PIP5K1C: variants seen among roughly 807,000 people sequenced by gnomAD.
The protein encoded by PIP5K1C is phosphatidylinositol 4-phosphate 5-kinase type-1 gamma.
Under a neutral mutation model 80.1 loss-of-function variants are expected in PIP5K1C, and 45 were observed. That is an observed-to-expected ratio of 0.56 (90% CI 0.44 to 0.72). The LOEUF (loss-of-function observed/expected upper bound fraction) is 0.72, where lower values mean the gene tolerates loss of function less well. Ranked by LOEUF, PIP5K1C falls within the 30% of genes least tolerant of loss-of-function variation. PIP5K1C has a pLI of 0.00. For synonymous variants in PIP5K1C, 498 were observed against 420.1 expected (o/e 1.19, Z -2.27); for missense variants, 753 against 954.6 (o/e 0.79, Z 2.78).
chr19:3,698,244 C>T (rs2036187350), intron 1 of PIP5K1C, among the ~76,000 whole-genome samples: 2 of 152,244 alleles, frequency 1.3e-5, no homozygotes, highest in South Asian at 4.1e-4. Context: ...AATCACCAAG[C>T]ACGAGCGCCA....
intron 1 of PIP5K1C, among the ~76,000 whole-genome samples, chr19:3,682,607 T>C (rs1253382450): frequency 6.6e-6 from 1 of 152,050 alleles, no homozygotes; most frequent in Non-Finnish European, 1.5e-5. Context: ...GAAGACTGCT[T>C]GAGCCCCAGA....
Position 3,630,207 on chromosome 19 carries a change from A to G in PIP5K1C, c.*2960T>C, listed in dbSNP as rs1303520396. On this transcript the variant is annotated 3_prime_UTR_variant, in exon 18 of 18. Coordinates refer to ENST00000335312, the MANE Select transcript of PIP5K1C (RefSeq NM_012398.3). ...ATGCTTATTACCCGATTTATTAGAG[A>G]GATCTCTAAAAAGACGGGGTGTGGC... The G allele has an allele frequency of 1.3e-5, 2 of 152,444 alleles. No individual in the cohort carries two copies. Among genetic ancestry groups the G allele is most frequent in the African/African-American group, 4.8e-5 (2 of 41,446 alleles). The allele number at this position is 152,444 out of a possible 1,614,324, so 9.4% of individuals were successfully genotyped here. A position where few individuals can be genotyped will look rare whatever the true frequency, so the allele number is the denominator to read the frequency against.
Position 3,637,758 on chromosome 19 carries a change from G to A in PIP5K1C, c.1920+1126C>T, listed in dbSNP as rs902845583. 7.8e-6 allele frequency: 12 copies of A among 1,529,960 alleles called. No homozygotes were observed. The highest frequency in any genetic ancestry group is 1.0e-5 in the Non-Finnish European group (12 of 1,144,438). The allele number at this position is 1,529,960 out of a possible 1,614,324, so 94.8% of individuals were successfully genotyped here. ...CAGCTGACTGCCAAGCAGAAGGTGG[G>A]GGGTGCCGGGGCAGGGGCAGGACCG... is the stretch of plus-strand genomic sequence containing the variant. On this transcript the variant is annotated intron_variant, in intron 16 of 17. Transcript: ENST00000335312. This position sits in a 1 kb window ranked among gnomAD's most constrained non-coding sequence, Gnocchi z 7.0.
rs1367602285 is a variant in PIP5K1C, at chr19:3,630,960, G to C, written c.*2207C>G. ...CTGCCCCCGCCCCTCGGCACAGTCA[G>C]TGGAGCACGTCAGCCTCGGTTTACA... On this transcript the variant is annotated 3_prime_UTR_variant, in exon 18 of 18. Coordinates refer to ENST00000335312, the MANE Select transcript of PIP5K1C (RefSeq NM_012398.3). The C allele has an allele frequency of 6.6e-6, 1 of 152,292 alleles. No homozygotes were observed. The highest frequency in any genetic ancestry group is 2.4e-5 in the African/African-American group (1 of 41,452). 9.4% of individuals were successfully genotyped at this position (152,292 alleles called of 1,614,324 possible).
Position 3,635,139 on chromosome 19 carries a change from C to T in PIP5K1C, c.1921-1619G>A, listed in dbSNP as rs1211610880. ...CCCACCTGAGCCCTGAAAGAACTGGCCCGCAGGGAGGAGGGTGGCAGCAGC... is the reference window on the plus strand; with the variant it reads ...CCCACCTGAGCCCTGAAAGAACTGGTCCGCAGGGAGGAGGGTGGCAGCAGC... On this transcript the variant is annotated intron_variant, in intron 16 of 17. Coordinates refer to ENST00000335312, the MANE Select transcript of PIP5K1C (RefSeq NM_012398.3). Among the ~76,000 whole-genome samples, 4 of 152,366 alleles carry T rather than the reference C, an allele frequency of 2.6e-5. No homozygotes were observed. In the South Asian group the frequency reaches 6.2e-4, roughly 24 times the overall value.
intron 1 of PIP5K1C, among the ~76,000 whole-genome samples, chr19:3,684,401 C>T (rs980476190): frequency 2.0e-5 from 3 of 152,202 alleles, no homozygotes; most frequent in Non-Finnish European, 4.4e-5. Flanking sequence ...TGAAAGTGGG[C>T]GGGTCTCAAG....
chr19:3,639,081 C>T (rs1213766137), intron 15 of PIP5K1C, 65 bp from the exon 16 acceptor site: 3 of 1,574,228 alleles, frequency 1.9e-6, no homozygotes, highest in African/African-American at 1.3e-5. Flanking sequence ...CCCGCGCCCC[C>T]ACTCAGGACC....
In PIP5K1C at chr19:3,663,140, C is replaced by T. The variant is rs558179979; in HGVS notation, c.220-1139G>A. On this transcript the variant is annotated intron_variant, in intron 3 of 17. Coordinates refer to ENST00000335312, the MANE Select transcript of PIP5K1C (RefSeq NM_012398.3). Reference sequence around the variant, plus strand: ...CTCGGCCTCCCAAAGTGCTAGGATTCCAGGAGTGAGCCTCCGCGCCCGGCC... The same window carrying T: ...CTCGGCCTCCCAAAGTGCTAGGATTTCAGGAGTGAGCCTCCGCGCCCGGCC... 3.6e-3 allele frequency among the ~76,000 whole-genome samples: 548 copies of T among 152,308 alleles called. 2 individuals carry two copies. Among genetic ancestry groups the T allele is most frequent in the Admixed American group, 6.3e-3 (96 of 15,300 alleles).
chr19:3,677,733 A>ATGGAGGGATGGC (rs2035407132), intron 1 of PIP5K1C, among the ~76,000 whole-genome samples: 1 of 92,336 alleles, frequency 1.1e-5, no homozygotes. Context: ...GGAGGGATGG[A>ATGGAGGGATGGC]AGGATGGTGG....
At chr19:3,668,201 G>A (rs2035077855) in intron 1 of PIP5K1C, among the ~76,000 whole-genome samples, 1 of 152,066 alleles carries the variant, frequency 6.6e-6, no homozygotes, top group Admixed American at 6.5e-5. Context: ...CTGGGACGAG[G>A]GGAGCAGGCG....
Position 3,692,707 on chromosome 19 carries a change from C to T in PIP5K1C, c.94+7590G>A, listed in dbSNP as rs1379842200. ...GCCACCAGGGGGTGCCTGTGAGCTC[C>T]TGAGTCTCGCCCATCCCTCCTCTGC... is the stretch of plus-strand genomic sequence containing the variant. On this transcript the variant is annotated intron_variant, in intron 1 of 17. Coordinates refer to ENST00000335312, the MANE Select transcript of PIP5K1C (RefSeq NM_012398.3). The surrounding 1 kb of genome is among the most constrained non-coding windows in gnomAD (Gnocchi z 5.2). Among the ~76,000 whole-genome samples, 2 of 152,050 alleles carry T rather than the reference C, an allele frequency of 1.3e-5. No individual in the cohort carries two copies. The highest frequency in any genetic ancestry group is 2.9e-5 in the Non-Finnish European group (2 of 67,992).
intron 6 of PIP5K1C, among the ~76,000 whole-genome samples, chr19:3,654,467 C>T (rs1291664693): frequency 6.6e-6 from 1 of 152,216 alleles, no homozygotes. Context: ...GGGCCGAATC[C>T]GGCCACCACC....
At chr19:3,677,950 G>C (rs1312766836) in intron 1 of PIP5K1C, among the ~76,000 whole-genome samples, 7 of 130,808 alleles carry the variant, frequency 5.4e-5, no homozygotes, top group Non-Finnish European at 6.6e-5. Flanking sequence ...GATGGAGGGA[G>C]GGATGGATGG....
chr19:3,687,603 A>ACACG (rs562727114), intron 1 of PIP5K1C, among the ~76,000 whole-genome samples: 61 of 152,148 alleles, frequency 4.0e-4, no homozygotes, highest in East Asian at 3.1e-3. Context: ...ACACATGCAT[A>ACACG]CACGCACACA....
chr19:3,637,472 C>A lies in PIP5K1C; in HGVS notation c.1920+1412G>T. On this transcript the variant is annotated intron_variant, in intron 16 of 17. Coordinates refer to ENST00000335312, the MANE Select transcript of PIP5K1C (RefSeq NM_012398.3). The surrounding 1 kb of genome is among the most constrained non-coding windows in gnomAD (Gnocchi z 7.0). The stretch of plus-strand genomic sequence containing the variant: ...CACTGAGCTTCCGGCCGGGGACCTG[C>A]GGCTCCCTGCTGCCCGAGGGGCACT... 1.3e-6 allele frequency: 2 copies of A among 1,535,670 alleles called. No homozygotes were observed. Among genetic ancestry groups the A allele is most frequent in the Non-Finnish European group, 1.7e-6 (2 of 1,146,784 alleles).
chr19:3,632,808 A>C lies in PIP5K1C; in HGVS notation c.*359T>G, dbSNP rs2033506407. On this transcript the variant is annotated 3_prime_UTR_variant, in exon 18 of 18. Transcript: ENST00000335312. ...CACAGGCAGGCACAGCAGAGAACCAAAGAGTGCAGTGGGCAGGGGCTCTTC... is the reference window on the plus strand; with the variant it reads ...CACAGGCAGGCACAGCAGAGAACCACAGAGTGCAGTGGGCAGGGGCTCTTC... 4.0e-5 allele frequency: 11 copies of C among 271,836 alleles called. No individual in the cohort carries two copies. The South Asian group carries it at 8.2e-4, about 20-fold the overall frequency. The allele number at this position is 271,836 out of a possible 1,614,324, so 16.8% of individuals were successfully genotyped here. A position where few individuals can be genotyped will look rare whatever the true frequency, so the allele number is the denominator to read the frequency against.
In PIP5K1C at chr19:3,637,330, C is replaced by A; in HGVS notation, c.1920+1554G>T. 6.5e-7 allele frequency: 1 copy of A among 1,532,160 alleles called. No homozygotes were observed. Among genetic ancestry groups the A allele is most frequent in the East Asian group, 2.4e-5 (1 of 40,880 alleles). 94.9% of individuals were successfully genotyped at this position (1,532,160 alleles called of 1,614,324 possible). On this transcript the variant is annotated intron_variant, in intron 16 of 17. Transcript: ENST00000335312. The surrounding 1 kb of genome is among the most constrained non-coding windows in gnomAD (Gnocchi z 7.0). Reference sequence around the variant, plus strand: ...ATGGAGCGCCCGGTTCGACGTGGGACCGAATGACATTCCCAGTGACGCATG... The same window carrying A: ...ATGGAGCGCCCGGTTCGACGTGGGAACGAATGACATTCCCAGTGACGCATG...
chr19:3,675,799 G>A (rs2035339237), intron 1 of PIP5K1C, among the ~76,000 whole-genome samples: 1 of 152,170 alleles, frequency 6.6e-6, no homozygotes, highest in African/African-American at 2.4e-5. Context: ...GCACTGCAGG[G>A]TGCCGAGCAG....
Position 3,648,214 on chromosome 19 carries a change from G to A in PIP5K1C, c.1211+411C>T, listed in dbSNP as rs1024815771. Among the ~76,000 whole-genome samples, 3 of 151,700 alleles carry A rather than the reference G, an allele frequency of 2.0e-5. No individual in the cohort carries two copies. Among genetic ancestry groups the A allele is most frequent in the East Asian group, 3.9e-4 (2 of 5,166 alleles). ...ATTTTTTGATATTTTGTAGAGATGG[G>A]GTCTTGCTATGTTGCCCAGGCTGGT... On this transcript the variant is annotated intron_variant, in intron 9 of 17. Transcript: ENST00000335312. The surrounding 1 kb of genome is among the most constrained non-coding windows in gnomAD (Gnocchi z 4.3).
Sources: gnomAD v4.1 joint callset for allele counts (sites outside exome capture counted in the v4.1 genomes callset) on GRCh38, gnomAD v4.1.1 for gene constraint, Gnocchi (gnomAD v3.1) non-coding constraint, MANE v1.5 for transcripts, NCBI Gene and HGNC (gene_info 2026-07-23, HGNC 2026-07-21) for gene names.